Variants in AOPEP observed in about 807,000 individuals in gnomAD.
AOPEP encodes the protein aminopeptidase O.
Under a neutral mutation model 98.1 loss-of-function variants are expected in AOPEP, and 77 were observed. The ratio of observed to expected loss-of-function variants is 0.78; its 90% CI spans 0.65 to 0.95. The LOEUF (loss-of-function observed/expected upper bound fraction) is 0.95, where lower values mean the gene tolerates loss of function less well. Ranked by LOEUF, AOPEP falls within the 40% of genes least tolerant of loss-of-function variation. AOPEP has a pLI of 0.00. For missense variants in AOPEP, 1,024 were observed against 1,024.7 expected, an observed-to-expected ratio of 1.00 and a Z score of 0.01; for synonymous variants, 346 against 365.3, an observed-to-expected ratio of 0.95 and a Z score of 0.60.
At chr9:95,015,417 T>C (rs1310421907) in intron 13 of AOPEP, among the ~76,000 whole-genome samples, 7 of 152,270 alleles carry the variant, frequency 4.6e-5, no homozygotes, top group African/African-American at 1.4e-4. Context: ...TTGATTATTC[T>C]GTGCATAACA....
chr9:94,861,799 C>T (rs1369602671), intron 5 of AOPEP, among the ~76,000 whole-genome samples: 1 of 152,232 alleles, frequency 6.6e-6, no homozygotes, highest in African/African-American at 2.4e-5. Flanking sequence ...ATTCCACAGC[C>T]ATCCTCCCTG....
intron 13 of AOPEP, among the ~76,000 whole-genome samples, chr9:95,022,628 C>T (rs918472854): frequency 7.4e-6 from 1 of 135,746 alleles, no homozygotes; most frequent in Non-Finnish European, 1.6e-5. Flanking sequence ...CGTAAGCCAC[C>T]GCGTCTGGCC....
chr9:94,870,770 G>GT (rs1249673154), intron 5 of AOPEP, among the ~76,000 whole-genome samples: 5 of 152,240 alleles, frequency 3.3e-5, no homozygotes, highest in Admixed American at 3.3e-4. Flanking sequence ...TAAAATGTTA[G>GT]TGGTTATGTG....
chr9:94,804,374 T>C (rs1588298604), intron 5 of AOPEP, among the ~76,000 whole-genome samples: 1 of 152,230 alleles, frequency 6.6e-6, no homozygotes, highest in African/African-American at 2.4e-5. Context: ...TTCTTTTTTT[T>C]CCTTGTATTT....
intron 1 of AOPEP, among the ~76,000 whole-genome samples, chr9:94,743,827 A>C (rs1431613357): frequency 6.6e-6 from 1 of 152,200 alleles, no homozygotes; most frequent in Non-Finnish European, 1.5e-5. Flanking sequence ...TGCAAATCTC[A>C]GTTGACTCAA....
At chr9:94,921,158 A>G (rs2053563922) in intron 5 of AOPEP, 1 of 152,226 alleles carries the variant, frequency 6.6e-6, no homozygotes, top group Non-Finnish European at 1.5e-5. Flanking sequence ...AATGATGATG[A>G]ATCGACAGTC....
At chr9:94,936,262 T>C (rs1325767738) in intron 7 of AOPEP, among the ~76,000 whole-genome samples, 3 of 152,278 alleles carry the variant, frequency 2.0e-5, no homozygotes, top group South Asian at 2.1e-4. Context: ...AGCCCCTTAG[T>C]GTGGCATGCA....
intron 7 of AOPEP, chr9:94,932,342 A>G (rs2055469205): frequency 1.0e-6 from 1 of 962,384 alleles, no homozygotes; most frequent in Non-Finnish European, 1.2e-6. Context: ...ACAAAGTGAA[A>G]AGAGAAAAAC....
At chr9:94,752,318 A>G (rs1835978831) in intron 1 of AOPEP, among the ~76,000 whole-genome samples, 1 of 151,878 alleles carries the variant, frequency 6.6e-6, no homozygotes, top group African/African-American at 2.4e-5. Flanking sequence ...AGGTATTTAG[A>G]AACAACAACA....
chr9:95,124,965 CCTTT>C, the AOPEP span: 1 of 845,640 alleles, frequency 1.2e-6, no homozygotes. Context: ...TCATTAGGAA[CCTTT>C]CTTTGTGAGC....
chr9:95,129,962 C>T, the AOPEP span, among the ~76,000 whole-genome samples: 3 of 152,180 alleles, frequency 2.0e-5, no homozygotes, highest in Admixed American at 2.0e-4. Context: ...GTTTATCTCC[C>T]CTCCACCTAG....
chr9:95,043,239 G>GATATATACAGATATATATATATACAT (rs2065497536), intron 13 of AOPEP, among the ~76,000 whole-genome samples: 1 of 22,904 alleles, frequency 4.4e-5, no homozygotes, highest in African/African-American at 6.4e-5. Flanking sequence ...TATATATACA[G>GATATATACAGATATATATATATACAT]ATATATACAG....
At chr9:95,013,325 C>T (rs557328773) in intron 13 of AOPEP, among the ~76,000 whole-genome samples, 3 of 151,520 alleles carry the variant, frequency 2.0e-5, no homozygotes, top group Middle Eastern at 3.4e-3. Context: ...TATTGATTCC[C>T]GCTGTGAGTG....
chr9:94,913,751 C>T (rs1168528704), intron 5 of AOPEP, among the ~76,000 whole-genome samples: 2 of 152,202 alleles, frequency 1.3e-5, no homozygotes, highest in African/African-American at 4.8e-5. Context: ...CAAGGGAGAA[C>T]AATCAGTGAA....
At chr9:94,961,123 A>G (rs1440541357) in intron 9 of AOPEP, among the ~76,000 whole-genome samples, 1 of 152,052 alleles carries the variant, frequency 6.6e-6, no homozygotes, top group Non-Finnish European at 1.5e-5. Context: ...CTTTTTAGAC[A>G]TGGCTCAGCT....
In AOPEP at chr9:94,760,222, G is replaced by C; in HGVS notation, c.439G>C (p.Asp147His). The C allele has an allele frequency of 6.2e-7, 1 of 1,614,150 alleles. No homozygotes were observed. Among genetic ancestry groups the C allele is most frequent in the Non-Finnish European group, 8.5e-7 (1 of 1,180,026 alleles). Reference protein sequence around the residue: ...HGSEDFLLVLDCCDLSVLKVE... With the variant: ...HGSEDFLLVLHCCDLSVLKVE... ...GAGTGAGGATTTTTTGCTAGTGTTG[G>C]ACTGCTGTGATTTATCTGTGTTAAA... The change falls in exon 2 of 17, where the codon GAC becomes CAC. Residue 147 changes from aspartate (D) to histidine (H), a missense_variant. Coordinates refer to ENST00000375315, the MANE Select transcript of AOPEP (RefSeq NM_001193329.3).
At chr9:95,113,686 G>C in the AOPEP span, 1 of 150,988 alleles carries the variant, frequency 6.6e-6, no homozygotes, top group East Asian at 2.0e-4. Context: ...GCAGTGGCAC[G>C]ATCTTGGCTC....
At chr9:94,982,565 C>CTTT (rs532615813) in intron 11 of AOPEP, among the ~76,000 whole-genome samples, 11 of 134,596 alleles carry the variant, frequency 8.2e-5, no homozygotes, top group South Asian at 4.9e-4. Context: ...AAGAGCAATA[C>CTTT]TTTTTTTTTT....
chr9:94,934,085 T>C (rs1440502378), intron 7 of AOPEP, among the ~76,000 whole-genome samples: 2 of 152,030 alleles, frequency 1.3e-5, no homozygotes, highest in Admixed American at 6.6e-5. Context: ...GCTTACAGGC[T>C]TCAAGGAAGA....
Sources: gnomAD v4.1 joint callset for allele counts (sites outside exome capture counted in the v4.1 genomes callset) on GRCh38, gnomAD v4.1.1 for gene constraint, MANE v1.5 for transcripts, NCBI Gene and HGNC (gene_info 2026-07-23, HGNC 2026-07-21) for gene names.